The following DMD variants were observed in gnomAD, a reference collection of about 807,000 sequenced individuals.
DMD encodes the protein mutant dystrophin.
Under a neutral mutation model 330.1 loss-of-function variants are expected in DMD, and 63 were observed. The observed-to-expected ratio is 0.19, with a 90% CI of 0.16 to 0.24. The LOEUF is 0.24. DMD is among the 10% of genes least tolerant of loss of function. The probability of loss-of-function intolerance (pLI) is 1.00; values close to 1 mark genes in which losing one functional copy is unlikely to be tolerated. For missense variants in DMD, 3,344 were observed against 2,684.1 expected, an observed-to-expected ratio of 1.25 and a Z score of -5.43; for synonymous variants, 1,223 against 959.8, an observed-to-expected ratio of 1.27 and a Z score of -5.07.
chrX:33,089,390 C>T (rs984421844), intron 1 of DMD, among the ~76,000 whole-genome samples: 2 of 110,860 alleles, frequency 1.8e-5, no homozygotes, highest in Non-Finnish European at 3.8e-5. Flanking sequence ...TAACTGATTG[C>T]TCCAGCTTTA....
chrX:31,538,957 G>A (rs1176134119), intron 55 of DMD, among the ~76,000 whole-genome samples: 3 of 111,302 alleles, frequency 2.7e-5, no homozygotes, highest in Admixed American at 9.6e-5. Context: ...AGGGTTATTC[G>A]TTCTCATTAT....
Position 31,121,792 on chromosome X carries a change from A to G in DMD, c.*127T>C. 1.1e-6 allele frequency: 1 copy of G among 947,556 alleles called. No individual in the cohort carries two copies. Among genetic ancestry groups the G allele is most frequent in the Non-Finnish European group, 1.5e-6 (1 of 655,316 alleles). 78.1% of individuals were successfully genotyped at this position (947,556 alleles called of 1,213,427 possible). On this transcript the variant is annotated 3_prime_UTR_variant, in exon 79 of 79. Transcript: ENST00000357033. ...CTGTCTAATCCTCTTTGTTGTATGA[A>G]TATTATAAAAACCATGCGGGAATCA...
At chrX:32,033,669 A>G (rs1359789535) in intron 44 of DMD, among the ~76,000 whole-genome samples, 36 of 52,327 alleles carry the variant, frequency 6.9e-4, no homozygotes, top group South Asian at 3.9e-3. Flanking sequence ...AGAAAGAAAG[A>G]AAGGAAGGAA....
chrX:32,969,165 A>G (rs2092294373), intron 2 of DMD, among the ~76,000 whole-genome samples: 2 of 107,447 alleles, frequency 1.9e-5, no homozygotes, highest in Admixed American at 2.0e-4. Flanking sequence ...TGACTTTTGG[A>G]CTCACCAGCC....
chrX:32,984,527 T>C (rs2092794004), intron 2 of DMD, among the ~76,000 whole-genome samples: 1 of 111,852 alleles, frequency 8.9e-6, no homozygotes, highest in African/African-American at 3.3e-5. Flanking sequence ...AGTGCTGGGA[T>C]TGTAGGAGTG....
chrX:32,250,509 G>A (rs770162053), intron 43 of DMD, among the ~76,000 whole-genome samples: 7 of 111,358 alleles, frequency 6.3e-5, no homozygotes, highest in Non-Finnish European at 1.3e-4. Flanking sequence ...CTATCCATGC[G>A]GGTCAAAAGG....
chrX:31,147,592 A>T, intron 74 of DMD, 74 bp from the exon 75 acceptor site: 1 of 850,370 alleles, frequency 1.2e-6, no homozygotes, highest in Non-Finnish European at 1.7e-6. Context: ...TAATTTGAAT[A>T]TCATCACCAA....
intron 7 of DMD, among the ~76,000 whole-genome samples, chrX:32,748,113 C>T (rs931410587): frequency 1.8e-5 from 2 of 110,226 alleles, no homozygotes; most frequent in Non-Finnish European, 3.8e-5. Context: ...GAGGCTGAGG[C>T]AGGCAGATCA....
At chrX:31,887,755 G>A (rs781754616) in intron 47 of DMD, among the ~76,000 whole-genome samples, 1 of 111,433 alleles carries the variant, frequency 9.0e-6, no homozygotes, top group Non-Finnish European at 1.9e-5. Flanking sequence ...TCCAACTTAT[G>A]TCTTCTTTCT....
intron 74 of DMD, among the ~76,000 whole-genome samples, chrX:31,168,356 T>TG (rs2039640388): frequency 9.0e-6 from 1 of 111,441 alleles, no homozygotes; most frequent in South Asian, 3.8e-4. Context: ...GTCTTGGTTC[T>TG]GGCAAGATGT....
intron 1 of DMD, among the ~76,000 whole-genome samples, chrX:33,126,869 A>G (rs2095468385): frequency 9.0e-6 from 1 of 111,388 alleles, no homozygotes; most frequent in South Asian, 3.7e-4. Flanking sequence ...GCTCAGCTTG[A>G]ACTCATAAAC....
intron 2 of DMD, among the ~76,000 whole-genome samples, chrX:32,888,607 C>A (rs1169878927): frequency 9.2e-6 from 1 of 108,324 alleles, no homozygotes; most frequent in Non-Finnish European, 1.9e-5. Flanking sequence ...GGAAGTTCTT[C>A]AAAAAAAAAT....
intron 2 of DMD, among the ~76,000 whole-genome samples, chrX:32,949,646 C>G (rs191563917): frequency 9.2e-4 from 102 of 111,202 alleles, no homozygotes; most frequent in Non-Finnish European, 1.7e-3. Flanking sequence ...TTGCCTGTCC[C>G]ATTTAATATT....
chrX:31,297,008 A>C (rs1184512335), intron 62 of DMD, among the ~76,000 whole-genome samples: 1 of 111,661 alleles, frequency 9.0e-6, no homozygotes, highest in Non-Finnish European at 1.9e-5. Context: ...AATCTCTTCT[A>C]AAGCCCGTAT....
chrX:33,159,671 T>C (rs948876633), intron 1 of DMD: 1 of 111,947 alleles, frequency 8.9e-6, no homozygotes, highest in African/African-American at 3.3e-5. Context: ...ACATTTTCTT[T>C]ATCCAGTCTA....
rs528690053 is a variant in DMD at position 32,178,940 on chromosome X, T to TTCTCTCTC, written c.6438+37968_6438+37975dup. Among the ~76,000 whole-genome samples the TTCTCTCTC allele has an allele frequency of 9.8e-3, 672 of 68,547 alleles. 14 individuals carry two copies. Among genetic ancestry groups the TTCTCTCTC allele is most frequent in the Admixed American group, 0.035 (197 of 5,571 alleles). 59.5% of individuals were successfully genotyped at this position (68,547 alleles called of 115,157 possible). ...TTAGCCCTTCCATAGAAACCCCAGA[T>TTCTCTCTC]TCTCTCTCTCTCTCTCTCTCTCTCT... On this transcript the variant is annotated intron_variant, in intron 44 of 78. Coordinates refer to ENST00000357033, the MANE Select transcript of DMD (RefSeq NM_004006.3).
At chrX:32,962,244 A>G (rs758319367) in intron 2 of DMD, among the ~76,000 whole-genome samples, 1 of 111,913 alleles carries the variant, frequency 8.9e-6, no homozygotes, top group African/African-American at 3.2e-5. Context: ...AGGCCATTTA[A>G]TGTATCCAAG....
At chrX:31,181,975 TA>T (rs948660545) in intron 68 of DMD, among the ~76,000 whole-genome samples, 36 of 111,412 alleles carry the variant, frequency 3.2e-4, no homozygotes, top group South Asian at 7.5e-4. Flanking sequence ...TTAATTCATT[TA>T]AAAAAAAATC....
chrX:31,897,963 A>C (rs1241104030), intron 47 of DMD, among the ~76,000 whole-genome samples: 24 of 110,877 alleles, frequency 2.2e-4, no homozygotes, highest in African/African-American at 7.2e-4. Context: ...TTTTGTTGCC[A>C]TTGGTTTTGG....
Sources: allele counts gnomAD v4.1 joint callset (sites outside exome capture counted in the v4.1 genomes callset), GRCh38; gene constraint gnomAD v4.1.1; transcripts MANE v1.5; gene names NCBI Gene and HGNC (gene_info 2026-07-23, HGNC 2026-07-21).